The following ALK variants were observed in gnomAD, a reference collection of about 807,000 sequenced individuals.
ALK encodes the protein ALK receptor tyrosine kinase.
Under a neutral mutation model 163.1 loss-of-function variants are expected in ALK, and 74 were observed. The observed-to-expected ratio is 0.45, with a 90% CI of 0.38 to 0.55. ALK has a LOEUF of 0.55. ALK is among the 20% of genes least tolerant of loss of function. The probability of loss-of-function intolerance (pLI) is 0.00; values close to 1 mark genes in which losing one functional copy is unlikely to be tolerated. For missense variants in ALK, 2,063 were observed against 2,105.3 expected (o/e 0.98, Z 0.39); for synonymous variants, 960 against 843.2 (o/e 1.14, Z -2.40).
intron 23 of ALK, among the ~76,000 whole-genome samples, chr2:29,219,512 T>G (rs1435306301): frequency 6.6e-6 from 1 of 152,160 alleles, no homozygotes; most frequent in Non-Finnish European, 1.5e-5. Context: ...GGGTGGCCGC[T>G]GCTTTTACTG....
At chr2:29,606,884 G>T (rs990430677) in intron 3 of ALK, among the ~76,000 whole-genome samples, 4 of 152,176 alleles carry the variant, frequency 2.6e-5, no homozygotes, top group African/African-American at 9.7e-5. Flanking sequence ...TTCCCCAAAT[G>T]TGGTGGGAAA....
At chr2:29,316,597 G>A (rs1384043672) in intron 8 of ALK, among the ~76,000 whole-genome samples, 1 of 152,034 alleles carries the variant, frequency 6.6e-6, no homozygotes, top group Non-Finnish European at 1.5e-5. Flanking sequence ...AAGACCAAAT[G>A]CTCTTAAGGA....
intron 1 of ALK, among the ~76,000 whole-genome samples, chr2:29,783,262 A>G (rs989707440): frequency 1.3e-5 from 2 of 152,168 alleles, no homozygotes; most frequent in East Asian, 1.9e-4. Flanking sequence ...CTTCGATGCT[A>G]TTCTCTTGGA....
intron 1 of ALK, among the ~76,000 whole-genome samples, chr2:29,868,054 C>T (rs896346281): frequency 4.6e-5 from 7 of 152,206 alleles, no homozygotes; most frequent in Non-Finnish European, 8.8e-5. Context: ...GCCTTGAGAT[C>T]ATGCCCTACT....
At chr2:29,286,158 A>G (rs1665851397) in intron 9 of ALK, among the ~76,000 whole-genome samples, 3 of 152,154 alleles carry the variant, frequency 2.0e-5, no homozygotes, top group African/African-American at 2.4e-5. Flanking sequence ...CTGGACGTCA[A>G]TGCACCTGCT....
chr2:29,430,863 G>A (rs1670255818), intron 4 of ALK, among the ~76,000 whole-genome samples: 1 of 152,186 alleles, frequency 6.6e-6, no homozygotes, highest in Non-Finnish European at 1.5e-5. Flanking sequence ...TGGACACCTT[G>A]ATCGGGAACT....
chr2:29,403,525 T>C (rs988184423), intron 4 of ALK, among the ~76,000 whole-genome samples: 1 of 151,960 alleles, frequency 6.6e-6, no homozygotes. Flanking sequence ...AAATCACTTC[T>C]TCAACAACTG....
chr2:29,606,912 C>G (rs1330735411), intron 3 of ALK, among the ~76,000 whole-genome samples: 8 of 152,218 alleles, frequency 5.3e-5, no homozygotes, highest in African/African-American at 1.9e-4. Context: ...ACACTAGTTG[C>G]CCCTCTTAGA....
intron 5 of ALK, among the ~76,000 whole-genome samples, chr2:29,343,691 A>C (rs1667867865): frequency 6.6e-6 from 1 of 152,180 alleles, no homozygotes; most frequent in South Asian, 2.1e-4. Flanking sequence ...AGAAAGTGTT[A>C]GGGGAGGGTC....
intron 4 of ALK, among the ~76,000 whole-genome samples, chr2:29,491,285 C>T (rs190854435): frequency 1.3e-5 from 2 of 152,226 alleles, no homozygotes; most frequent in East Asian, 3.9e-4. Context: ...GTTTCCGTGG[C>T]TGATCCATTA....
At chr2:29,899,110 C>G (rs532021883) in intron 1 of ALK, among the ~76,000 whole-genome samples, 1 of 152,162 alleles carries the variant, frequency 6.6e-6, no homozygotes, top group Admixed American at 6.5e-5. Flanking sequence ...TCAGGCCCTA[C>G]CCCCGACCTA....
intron 1 of ALK, among the ~76,000 whole-genome samples, chr2:29,919,570 T>C (rs182709112): frequency 2.6e-5 from 4 of 152,258 alleles, no homozygotes; most frequent in Admixed American, 1.3e-4. Flanking sequence ...GAAGGTACCA[T>C]ATTTCCCAAA....
intron 4 of ALK, among the ~76,000 whole-genome samples, chr2:29,513,613 CA>C (rs1672581817): frequency 6.6e-6 from 1 of 151,868 alleles, no homozygotes; most frequent in African/African-American, 2.4e-5. Flanking sequence ...TCTAAAACAC[CA>C]AAAGCAATGG....
chr2:29,811,920 G>C (rs1664770612), intron 1 of ALK, among the ~76,000 whole-genome samples: 1 of 152,178 alleles, frequency 6.6e-6, no homozygotes, highest in Non-Finnish European at 1.5e-5. Flanking sequence ...CACAATTAGA[G>C]TAAAGCCTTG....
chr2:29,711,778 T>C (rs962870652), intron 2 of ALK, among the ~76,000 whole-genome samples: 1 of 152,312 alleles, frequency 6.6e-6, no homozygotes. Flanking sequence ...CCTACTTTTG[T>C]GTCTTTCTCT....
At chr2:29,684,791 C>G (rs2148281714) in intron 3 of ALK, among the ~76,000 whole-genome samples, 1 of 152,262 alleles carries the variant, frequency 6.6e-6, no homozygotes, top group South Asian at 2.1e-4. Flanking sequence ...TTAAGAAGAG[C>G]TTGTCATAAT....
intron 3 of ALK, among the ~76,000 whole-genome samples, chr2:29,624,628 T>C (rs901725711): frequency 5.9e-5 from 9 of 152,112 alleles, no homozygotes; most frequent in Admixed American, 1.3e-4. Flanking sequence ...TCAGGAAGAA[T>C]AGCTAATGGA....
intron 3 of ALK, among the ~76,000 whole-genome samples, chr2:29,548,472 CAAA>C (rs1171656746): frequency 7.9e-6 from 1 of 125,802 alleles, no homozygotes. Flanking sequence ...GACTCGGTCT[CAAA>C]AAAAAAAAAA....
chr2:29,452,712 C>A (rs766479936), intron 4 of ALK, among the ~76,000 whole-genome samples: 1 of 152,186 alleles, frequency 6.6e-6, no homozygotes, highest in Non-Finnish European at 1.5e-5. Context: ...CCTCTCCACA[C>A]GTTAACTTCA....
Sources: gnomAD v4.1 joint callset for allele counts (sites outside exome capture counted in the v4.1 genomes callset) on GRCh38, gnomAD v4.1.1 for gene constraint, MANE v1.5 for transcripts, NCBI Gene and HGNC (gene_info 2026-07-23, HGNC 2026-07-21) for gene names.